MAP3K6: variants seen among roughly 807,000 people sequenced by gnomAD.
MAP3K6 encodes apoptosis signal-regulating kinase 2.
A neutral mutation model predicts 147.1 loss-of-function variants in MAP3K6; 105 were observed. The observed-to-expected ratio is 0.71, with a 90% confidence interval of 0.61 to 0.84. MAP3K6 has a LOEUF of 0.84. MAP3K6 is among the 40% of genes least tolerant of loss of function. MAP3K6 has a pLI of 0.00. For synonymous variants in MAP3K6, 695 were observed against 732.4 expected, an observed-to-expected ratio of 0.95 and a Z score of 0.82; for missense variants, 1,569 against 1,715.0, an observed-to-expected ratio of 0.91 and a Z score of 1.50.
In MAP3K6 at chr1:27,356,730, G is replaced by A. The variant is rs1258373381; in HGVS notation, c.3384C>T (p.Val1128=). The A allele has an allele frequency of 2.0e-5, 31 of 1,574,234 alleles. No individual in the cohort carries two copies. The highest frequency in any genetic ancestry group is 2.5e-5 in the Non-Finnish European group (29 of 1,159,768). ...TACTCAGCTCCTCTGACCTCGGTGA[G>A]ACCGCCTCCTTCTCCACCTCTGCAG... ...VLGPEVEKEA[V]SPRSEELSNE... is the part of the protein sequence containing the mutation. Residue 1128 remains valine (V), a synonymous_variant, in exon 25 of 29, where the codon GTC becomes GTT. Transcript: ENST00000357582.
chr1:27,356,773 A>C, intron 24 of MAP3K6, 24 bp from the exon 25 acceptor site: 1 of 1,533,212 alleles, frequency 6.5e-7, no homozygotes, highest in Non-Finnish European at 8.8e-7. Flanking sequence ...CGGTGAACTC[A>C]GGCAAGGCTA....
Position 27,364,575 on chromosome 1 carries a change from C to T in MAP3K6, c.504+86G>A. 4 of 1,598,316 alleles carry T rather than the reference C, an allele frequency of 2.5e-6. No homozygotes were observed. The highest frequency in any genetic ancestry group is 3.4e-6 in the Non-Finnish European group (4 of 1,165,932). ...GGGATGTCAGTGGGGGGTTAGGTGACTGAGGAGGCCAGGGGGATTAGTGGA... is the reference window on the plus strand; with the variant it reads ...GGGATGTCAGTGGGGGGTTAGGTGATTGAGGAGGCCAGGGGGATTAGTGGA... On this transcript the variant is annotated intron_variant, in intron 3 of 28. Coordinates refer to ENST00000357582, the MANE Select transcript of MAP3K6 (RefSeq NM_004672.5). This position sits in a 1 kb window ranked among gnomAD's most constrained non-coding sequence, Gnocchi z 4.4.
chr1:27,363,208 C>T (rs1371294550), intron 6 of MAP3K6, among the ~76,000 whole-genome samples, 187 bp from the exon 7 acceptor site: 2 of 152,174 alleles, frequency 1.3e-5, no homozygotes, highest in Middle Eastern at 3.2e-3. Flanking sequence ...GATGCGATGA[C>T]TCTTAGGAGC....
At position 27,360,126 on chromosome 1, in the gene MAP3K6, G is replaced by A. The variant is rs2015690685; in HGVS notation, c.2182+115C>T. ...AGCGCCACTCCTCAGCTAATTCTAGGCTACACCACCCACACGCACTAGGGT... is the reference window on the plus strand; with the variant it reads ...AGCGCCACTCCTCAGCTAATTCTAGACTACACCACCCACACGCACTAGGGT... On this transcript the variant is annotated intron_variant, in intron 16 of 28. Transcript: ENST00000357582. This position sits in a 1 kb window ranked among gnomAD's most constrained non-coding sequence, Gnocchi z 4.5. The A allele has an allele frequency of 1.9e-6, 3 of 1,577,178 alleles. No homozygotes were observed. Among genetic ancestry groups the A allele is most frequent in the Non-Finnish European group, 1.7e-6 (2 of 1,157,576 alleles).
Position 27,359,742 on chromosome 1 carries a change from C to A in MAP3K6, c.2319+116G>T. On this transcript the variant is annotated intron_variant, in intron 17 of 28. Transcript: ENST00000357582. This position sits in a 1 kb window ranked among gnomAD's most constrained non-coding sequence, Gnocchi z 4.4. ...CTCTAAGGAGCCTCCCTGATGAATT[C>A]CCTACCCTTTGCAACAGGTCTGCTC... The A allele has an allele frequency of 6.7e-7, 1 of 1,495,608 alleles. No individual in the cohort carries two copies. Among genetic ancestry groups the A allele is most frequent in the South Asian group, 1.2e-5 (1 of 80,190 alleles). 92.6% of individuals were successfully genotyped at this position (1,495,608 alleles called of 1,614,324 possible).
chr1:27,364,256 G>C lies in MAP3K6; in HGVS notation c.643C>G (p.Pro215Ala), dbSNP rs1335896588. Reference sequence around the variant, plus strand: ...AGGCGGGCAAGCCGGCCCACCAGGGGAGTGAGCAGGGCCTCGGTCCCCACT... The same window carrying C: ...AGGCGGGCAAGCCGGCCCACCAGGGCAGTGAGCAGGGCCTCGGTCCCCACT... Reference protein sequence around the residue: ...AGVGTEALLTPLVGRLARLLE... With the variant: ...AGVGTEALLTALVGRLARLLE... The change falls in exon 4 of 29, where the codon CCC (proline) becomes GCC (alanine). Residue 215 changes from proline (P) to alanine (A), a missense_variant. By Grantham distance (27) the Pro-to-Ala change is conservative. Coordinates refer to ENST00000357582, the MANE Select transcript of MAP3K6 (RefSeq NM_004672.5). This position sits in a 1 kb window ranked among gnomAD's most constrained non-coding sequence, Gnocchi z 4.4. 8 of 1,613,444 alleles carry C rather than the reference G, an allele frequency of 5.0e-6. No homozygotes were observed. Among genetic ancestry groups the C allele is most frequent in the Non-Finnish European group, 6.8e-6 (8 of 1,180,008 alleles).
chr1:27,357,240 G>T, intron 23 of MAP3K6, 126 bp from the exon 24 acceptor site: 1 of 1,264,950 alleles, frequency 7.9e-7, no homozygotes, highest in Non-Finnish European at 1.1e-6. Context: ...GTCCAGGGAA[G>T]GCCTGGGAAG....
rs756173450 is a variant in MAP3K6 at position 27,364,063 on chromosome 1, G to T, written c.718C>A (p.Arg240=). Residue 240 remains arginine (R), a synonymous_variant, in exon 5 of 29, where the codon CGG becomes AGG. Transcript: ENST00000357582. This position sits in a 1 kb window ranked among gnomAD's most constrained non-coding sequence, Gnocchi z 4.4. ...TCCCGCGCCTGCCGGATGTCCCGCC[G>T]AATGGTCTCCCGGAAATAGCCACTG... is the stretch of plus-strand genomic sequence containing the variant. The part of the protein sequence containing the change: ...DSCGYFRETI[R]RDIRQARERF... 6.2e-7 allele frequency: 1 copy of T among 1,612,776 alleles called. No individual in the cohort carries two copies. Among genetic ancestry groups the T allele is most frequent in the South Asian group, 1.1e-5 (1 of 91,016 alleles).
chr1:27,355,921 G>A, intron 27 of MAP3K6, 105 bp downstream of exon 27: 2 of 1,206,878 alleles, frequency 1.7e-6, no homozygotes, highest in Non-Finnish European at 2.4e-6. Context: ...TCTTCTGGTA[G>A]TGAGATTCTC....
rs1007395769 is a variant in MAP3K6, at chr1:27,358,227, T to C, written c.2869A>G (p.Ser957Gly). The change falls in exon 21 of 29, where the codon AGC becomes GGC. Residue 957 changes from serine (S) to glycine (G), a missense_variant. Transcript: ENST00000357582. The surrounding 1 kb of genome is among the most constrained non-coding windows in gnomAD (Gnocchi z 6.2). Reference sequence around the variant, plus strand: ...TAACTGAGGCAGCGCTTCGGGGGGCTGGGTGGGTGCTGAGAGGGTGCCTGA... The same window carrying C: ...TAACTGAGGCAGCGCTTCGGGGGGCCGGGTGGGTGCTGAGAGGGTGCCTGA... ...CPQAPSQHPP[S>G]PPKRCLSYGG... The C allele has an allele frequency of 2.5e-6, 4 of 1,598,050 alleles. No individual in the cohort carries two copies. The South Asian group carries it at 4.5e-5, about 18-fold the overall frequency.
At position 27,356,580 on chromosome 1, in the gene MAP3K6, G is replaced by C; in HGVS notation, c.3524+10C>G. ...CGGCAGAGGCTATGAGCGATTCCAA[G>C]GGGCTTTACCGATCAGTCTCTGCCC... On this transcript the variant is annotated intron_variant, in intron 25 of 28. Transcript: ENST00000357582. The C allele has an allele frequency of 6.2e-7, 1 of 1,612,210 alleles. No homozygotes were observed. Among genetic ancestry groups the C allele is most frequent in the Non-Finnish European group, 8.5e-7 (1 of 1,178,872 alleles).
chr1:27,362,350 G>A, intron 8 of MAP3K6, 100 bp from the exon 9 acceptor site: 5 of 1,241,404 alleles, frequency 4.0e-6, no homozygotes, highest in Non-Finnish European at 5.6e-6. Flanking sequence ...ATAGATATGA[G>A]TATGGCATTG....
rs558947768 is a variant in MAP3K6, at chr1:27,355,773, G to C, written c.3712-28C>G. ...GGATGTGGTCAAAGACCCGCAGAAA[G>C]AGGGAAATAAGAAATTACAGAAAGA... On this transcript the variant is annotated intron_variant, in intron 27 of 28. Coordinates refer to ENST00000357582, the MANE Select transcript of MAP3K6 (RefSeq NM_004672.5). 8 of 1,602,746 alleles carry C rather than the reference G, an allele frequency of 5.0e-6. No individual in the cohort carries two copies. The East Asian group carries it at 1.3e-4, about 27-fold the overall frequency.
Position 27,366,923 on chromosome 1 carries a change from C to A in MAP3K6, c.-326G>T, listed in dbSNP as rs2016009411. The A allele has an allele frequency of 6.5e-6, 1 of 152,850 alleles. No individual in the cohort carries two copies. Among genetic ancestry groups the A allele is most frequent in the South Asian group, 2.1e-4 (1 of 4,838 alleles). The allele number at this position is 152,850 out of a possible 1,614,324, so 9.5% of individuals were successfully genotyped here. Reference sequence around the variant, plus strand: ...GGAGGTGCCCGCCACCTGGACTTCTCAAGGGAGCGCCCGCCAACGCTGCCC... The same window carrying A: ...GGAGGTGCCCGCCACCTGGACTTCTAAAGGGAGCGCCCGCCAACGCTGCCC... On this transcript the variant is annotated 5_prime_UTR_variant, in exon 1 of 29. Coordinates refer to ENST00000357582, the MANE Select transcript of MAP3K6 (RefSeq NM_004672.5). The surrounding 1 kb of genome is among the most constrained non-coding windows in gnomAD (Gnocchi z 5.5).
Position 27,356,063 on chromosome 1 carries a change from AGCCACT to A in MAP3K6, c.3668_3673del (p.Gln1223_Trp1224del). On this transcript the variant is annotated inframe_deletion, in exon 27 of 29. Transcript: ENST00000357582. Reference sequence around the variant, plus strand: ...GCCTGAATCCACATTCAGTTCCTGTAGCCACTGCACCAGGCCCTGGTCCGTTGAAAG... The same window carrying A: ...GCCTGAATCCACATTCAGTTCCTGTAGCACCAGGCCCTGGTCCGTTGAAAG... 1 of 1,614,190 alleles carries A rather than the reference AGCCACT, an allele frequency of 6.2e-7. No individual in the cohort carries two copies. The highest frequency in any genetic ancestry group is 8.5e-7 in the Non-Finnish European group (1 of 1,180,040).
rs1193329431 is a variant in MAP3K6 at position 27,364,303 on chromosome 1, G to A, written c.596C>T (p.Ala199Val). 1.9e-6 allele frequency: 3 copies of A among 1,613,966 alleles called. No individual in the cohort carries two copies. The highest frequency in any genetic ancestry group is 2.5e-6 in the Non-Finnish European group (3 of 1,180,034). The change falls in exon 4 of 29, where the codon GCT becomes GTT. Residue 199 changes from alanine (A) to valine (V), a missense_variant. Transcript: ENST00000357582. The surrounding 1 kb of genome is among the most constrained non-coding windows in gnomAD (Gnocchi z 4.4). ...CACTCCAGCCTGTACCAGCCCATCA[G>A]CCAGGCCCCGCAGAAGGCCTGCATC... Reference protein sequence around the residue: ...CGDAGLLRGLADGLVQAGVGT... With the variant: ...CGDAGLLRGLVDGLVQAGVGT...
At chr1:27,357,355 A>C in intron 23 of MAP3K6, 45 bp downstream of exon 23, 1 of 1,564,074 alleles carries the variant, frequency 6.4e-7, no homozygotes, top group Non-Finnish European at 8.7e-7. Context: ...CGGGGAACTC[A>C]CTACCTGTTG....
At chr1:27,363,054 T>C in intron 6 of MAP3K6, 33 bp from the exon 7 acceptor site, 1 of 1,592,052 alleles carries the variant, frequency 6.3e-7, no homozygotes. Context: ...CCCTCCCTGA[T>C]GGCCCTGGCC....
chr1:27,364,906 A>G lies in MAP3K6; in HGVS notation c.347T>C (p.Val116Ala). 1 of 1,587,822 alleles carries G rather than the reference A, an allele frequency of 6.3e-7. No individual in the cohort carries two copies. The change falls in exon 2 of 29, where the codon GTG becomes GCG. Residue 116 changes from valine (V) to alanine (A), a missense_variant. Coordinates refer to ENST00000357582, the MANE Select transcript of MAP3K6 (RefSeq NM_004672.5). This position sits in a 1 kb window ranked among gnomAD's most constrained non-coding sequence, Gnocchi z 4.4. ...ALDAFYNADV[V>A]VLEVSSSLVQ... Reference sequence around the variant, plus strand: ...CAGCGAGCTGCTCACCTCCAGCACCACCACATCTGCAGGCACAGAGGGGGT... The same window carrying G: ...CAGCGAGCTGCTCACCTCCAGCACCGCCACATCTGCAGGCACAGAGGGGGT...
Sources: allele counts gnomAD v4.1 joint callset (sites outside exome capture counted in the v4.1 genomes callset), GRCh38; gene constraint gnomAD v4.1.1; non-coding constraint Gnocchi (gnomAD v3.1); transcripts MANE v1.5; gene names NCBI Gene and HGNC (gene_info 2026-07-23, HGNC 2026-07-21).